RARB: variants seen among roughly 807,000 people sequenced by gnomAD.
RARB encodes the protein HBV-activated protein.
A neutral mutation model predicts 51.9 loss-of-function variants in RARB; 17 were observed. That is an observed-to-expected ratio of 0.33 (90% CI 0.22 to 0.49). The LOEUF is 0.49. Among genes scored for constraint, RARB ranks in the 20% least tolerant of loss-of-function variants. The pLI, the probability that RARB is intolerant of heterozygous loss-of-function variation, is 0.99. For synonymous variants in RARB, 215 were observed against 195.4 expected (o/e 1.10, Z -0.84); for missense variants, 369 against 550.8 (o/e 0.67, Z 3.30).
chr3:25,066,825 C>T (rs933009205), intron 3 of RARB, among the ~76,000 whole-genome samples: 2 of 151,970 alleles, frequency 1.3e-5, no homozygotes, highest in African/African-American at 2.4e-5. Context: ...CTTATGTAAA[C>T]CTCACATAAT....
At chr3:25,485,395 A>G (rs569377426) in intron 2 of RARB, among the ~76,000 whole-genome samples, 1 of 152,302 alleles carries the variant, frequency 6.6e-6, no homozygotes, top group South Asian at 2.1e-4. Flanking sequence ...GTGAGTGTGC[A>G]CTGGTGCCAG....
At chr3:25,233,094 G>A (rs1217101690) in intron 5 of RARB, among the ~76,000 whole-genome samples, 9 of 146,756 alleles carry the variant, frequency 6.1e-5, no homozygotes, top group South Asian at 2.2e-4. Flanking sequence ...TGCTGCTTCA[G>A]CCTCCCAAGT....
At chr3:25,336,653 A>G (rs1705072020) in intron 5 of RARB, among the ~76,000 whole-genome samples, 1 of 152,148 alleles carries the variant, frequency 6.6e-6, no homozygotes, top group African/African-American at 2.4e-5. Flanking sequence ...CTTGAAACAA[A>G]TTCTCAACAA....
At chr3:25,019,011 T>C (rs1697573397) in intron 2 of RARB, among the ~76,000 whole-genome samples, 1 of 152,212 alleles carries the variant, frequency 6.6e-6, no homozygotes, top group Non-Finnish European at 1.5e-5. Flanking sequence ...AATTATAGCC[T>C]GTTTAAGCCA....
chr3:25,377,094 T>C (rs1706484640), intron 5 of RARB, among the ~76,000 whole-genome samples: 1 of 152,254 alleles, frequency 6.6e-6, no homozygotes, highest in Admixed American at 6.5e-5. Context: ...GGTTTTGCTT[T>C]TTCTATCACT....
intron 5 of RARB, among the ~76,000 whole-genome samples, chr3:25,376,663 T>C (rs1381294363): frequency 6.6e-6 from 1 of 152,238 alleles, no homozygotes; most frequent in African/African-American, 2.4e-5. Flanking sequence ...TCTTTTCTGT[T>C]GGCATTAATG....
intron 3 of RARB, among the ~76,000 whole-genome samples, chr3:25,092,257 G>A (rs1699211828): frequency 1.3e-5 from 2 of 152,176 alleles, no homozygotes; most frequent in Admixed American, 1.3e-4. Context: ...GCAAACTATT[G>A]TGATGTTTGA....
intron 2 of RARB, among the ~76,000 whole-genome samples, chr3:24,875,642 A>C (rs1703029188): frequency 6.6e-6 from 1 of 152,130 alleles, no homozygotes. Context: ...GGAAAGTTAC[A>C]AAGATATTTC....
chr3:25,282,974 C>T (rs992771214), intron 5 of RARB, among the ~76,000 whole-genome samples: 7 of 152,330 alleles, frequency 4.6e-5, no homozygotes, highest in Admixed American at 2.0e-4. Context: ...CAACCCAACT[C>T]TTTGTCACTG....
intron 2 of RARB, among the ~76,000 whole-genome samples, chr3:24,982,958 A>G (rs1440080067): frequency 1.3e-5 from 2 of 152,226 alleles, no homozygotes; most frequent in Non-Finnish European, 2.9e-5. Flanking sequence ...TTTTGAAACT[A>G]TTTGAATCTA....
chr3:24,994,744 G>C (rs758446968), intron 2 of RARB, among the ~76,000 whole-genome samples: 1 of 151,946 alleles, frequency 6.6e-6, no homozygotes, highest in Non-Finnish European at 1.5e-5. Flanking sequence ...ATTTATTGAG[G>C]AGACTGCTCT....
At chr3:25,000,724 C>T (rs1190349537) in intron 2 of RARB, among the ~76,000 whole-genome samples, 5 of 152,182 alleles carry the variant, frequency 3.3e-5, no homozygotes, top group African/African-American at 1.2e-4. Flanking sequence ...TAAGAATGTT[C>T]CCTCTAAGAG....
At chr3:25,423,896 G>T (rs938931934), upstream of RARB, among the ~76,000 whole-genome samples, 3 of 152,294 alleles carry the variant, frequency 2.0e-5, no homozygotes, top group Middle Eastern at 3.4e-3. Flanking sequence ...ATTCAGCAGG[G>T]GTTGTATTTA....
rs936030971 is a variant in RARB at position 25,044,239 on chromosome 3, C to T, written c.-379-15886C>T. 9.9e-5 allele frequency among the ~76,000 whole-genome samples: 15 copies of T among 152,280 alleles called. No homozygotes were observed. The South Asian group carries it at 1.2e-3, about 13-fold the overall frequency. The stretch of plus-strand genomic sequence containing the variant: ...CTTCAAGGACTAATGACAGCTGCAA[C>T]ATTTGATGTATGTGTGATTCTGACA... On this transcript the variant is annotated intron_variant, in intron 2 of 11. Coordinates refer to the RARB transcript ENST00000383772.
chr3:24,981,786 C>G (rs1287806455), intron 2 of RARB, among the ~76,000 whole-genome samples: 1 of 152,192 alleles, frequency 6.6e-6, no homozygotes, highest in Non-Finnish European at 1.5e-5. Flanking sequence ...CTTCCATGTG[C>G]TGTACCCACT....
At chr3:25,265,337 G>A (rs1192377589) in intron 5 of RARB, among the ~76,000 whole-genome samples, 2 of 152,170 alleles carry the variant, frequency 1.3e-5, no homozygotes, top group African/African-American at 4.8e-5. Flanking sequence ...TATTTTAGAT[G>A]TTGATAAATA....
intron 2 of RARB, among the ~76,000 whole-genome samples, chr3:24,969,231 A>G (rs921043173): frequency 1.3e-5 from 2 of 152,198 alleles, no homozygotes; most frequent in Non-Finnish European, 1.5e-5. Flanking sequence ...TTTCTTACCT[A>G]TAAAAAGAAT....
At chr3:25,032,745 A>G (rs746794169) in intron 2 of RARB, among the ~76,000 whole-genome samples, 2 of 152,180 alleles carry the variant, frequency 1.3e-5, no homozygotes, top group Admixed American at 6.5e-5. Context: ...GGAGGGTAAT[A>G]TGCTGGAATT....
chr3:25,129,150 G>A, intron 3 of RARB, among the ~76,000 whole-genome samples: 1 of 151,948 alleles, frequency 6.6e-6, no homozygotes, highest in East Asian at 1.9e-4. Flanking sequence ...GTTTCTTACT[G>A]TTTTATTGGT....
Sources: allele counts gnomAD v4.1 joint callset (sites outside exome capture counted in the v4.1 genomes callset), GRCh38; gene constraint gnomAD v4.1.1; transcripts MANE v1.5; gene names NCBI Gene and HGNC (gene_info 2026-07-23, HGNC 2026-07-21).